ZMYM1: variants seen among roughly 807,000 people sequenced by gnomAD.
ZMYM1 encodes the protein zinc finger MYM-type protein 1.
ZMYM1 carries 39 observed loss-of-function variants against 60.0 expected under a neutral mutation model. That is an observed-to-expected ratio of 0.65 (90% CI 0.50 to 0.85). The LOEUF (loss-of-function observed/expected upper bound fraction) is 0.85. ZMYM1 is among the 40% of genes least tolerant of loss of function. The probability of loss-of-function intolerance (pLI) is 0.00; values close to 1 mark genes in which losing one functional copy is unlikely to be tolerated. For missense variants in ZMYM1, 1,171 were observed against 1,309.5 expected, an observed-to-expected ratio of 0.89 and a Z score of 1.63; for synonymous variants, 413 against 454.0, an observed-to-expected ratio of 0.91 and a Z score of 1.15.
chr1:35,118,142 A>G (rs1638526429), downstream of ZMYM1, among the ~76,000 whole-genome samples: 2 of 150,628 alleles, frequency 1.3e-5, no homozygotes, highest in East Asian at 2.0e-4. Context: ...TCAGGAGGCT[A>G]AGGCAGGAGA....
chr1:35,063,017 C>G (rs1641902615), intron 1 of ZMYM1, among the ~76,000 whole-genome samples: 1 of 152,156 alleles, frequency 6.6e-6, no homozygotes, highest in African/African-American at 2.4e-5. Flanking sequence ...TTCTTGGCAG[C>G]TCTCCTCCAG....
At chr1:35,095,754 ATGAC>A in intron 2 of ZMYM1, 61 bp from the exon 3 acceptor site, 2 of 1,314,954 alleles carry the variant, frequency 1.5e-6, no homozygotes, top group Non-Finnish European at 2.1e-6. Context: ...TTTCTGTTGA[ATGAC>A]TGGTTGTCTT....
chr1:35,107,400 C>T (rs1435394110), intron 6 of ZMYM1, among the ~76,000 whole-genome samples: 13 of 149,440 alleles, frequency 8.7e-5, no homozygotes, highest in Non-Finnish European at 1.5e-4. Context: ...ACCCGGGAGG[C>T]GGAGCTTGCA....
At chr1:35,108,446 G>C (rs1643968405) in intron 6 of ZMYM1, among the ~76,000 whole-genome samples, 1 of 152,036 alleles carries the variant, frequency 6.6e-6, no homozygotes. Flanking sequence ...CCGCCTCCCA[G>C]GTTCAAGCAA....
exon 1 of ZMYM1, chr1:35,059,874 A>C (rs1307547100): frequency 6.6e-6 from 1 of 152,042 alleles, no homozygotes; most frequent in Non-Finnish European, 1.5e-5. Flanking sequence ...ACAGTGAACA[A>C]CTTGGCTGTC....
At position 35,113,863 on chromosome 1, in the gene ZMYM1, G is replaced by A; in HGVS notation, c.2033G>A (p.Arg678Lys). ...TCAAAGGCTATCTTAATTAAGGAAA[G>A]ATTCTTGGGTTTTGTTGATACTGAG... The part of the protein sequence containing the change: ...KSSKAILIKE[R>K]FLGFVDTEEM... Residue 678 changes from arginine to lysine, a missense_variant, in exon 10 of 10, where the codon AGA (arginine) becomes AAA (lysine). Coordinates refer to ENST00000359858, the MANE Select transcript of ZMYM1 (RefSeq NM_024772.5). The A allele has an allele frequency of 6.2e-7, 1 of 1,613,772 alleles. No homozygotes were observed. The highest frequency in any genetic ancestry group is 8.5e-7 in the Non-Finnish European group (1 of 1,179,858).
In ZMYM1 at chr1:35,088,448, ATATATATGTGTGTG is replaced by A. The variant is rs1333162383; in HGVS notation, c.-74-5464_-74-5451del. Among the ~76,000 whole-genome samples the A allele has an allele frequency of 2.2e-3, 247 of 113,674 alleles. 5 individuals carry two copies. The highest frequency in any genetic ancestry group is 7.8e-3 in the African/African-American group (196 of 25,232). The allele number at this position is 113,674 out of a possible 152,430, so 74.6% of individuals were successfully genotyped here. A position where few individuals can be genotyped will look rare whatever the true frequency, so the allele number is the denominator to read the frequency against. On this transcript the variant is annotated intron_variant, in intron 1 of 9. Transcript: ENST00000359858. ...TGTGTTTATGTGTATATATATATAT[ATATATATGTGTGTG>A]TGTGTGTGTGTGTGTGTGTGTGTGT...
At chr1:35,068,935 C>A (rs1376171709) in intron 1 of ZMYM1, among the ~76,000 whole-genome samples, 1 of 152,046 alleles carries the variant, frequency 6.6e-6, no homozygotes, top group African/African-American at 2.4e-5. Context: ...CTCCTAGGTT[C>A]CAGCGATTCT....
Position 35,097,485 on chromosome 1 carries a change from G to T in ZMYM1, c.338G>T (p.Cys113Phe). The T allele has an allele frequency of 6.2e-7, 1 of 1,614,156 alleles. No individual in the cohort carries two copies. The highest frequency in any genetic ancestry group is 8.5e-7 in the Non-Finnish European group (1 of 1,180,022). The part of the protein sequence containing the change: ...YQRKGSAQLF[C>F]SIPCITEYIS... The stretch of plus-strand genomic sequence containing the variant: ...AGGAAAGGATCTGCTCAACTTTTCT[G>T]CTCCATACCATGCATCACTGAATAC... Residue 113 changes from cysteine (C) to phenylalanine (F), a missense_variant, in exon 4 of 10, where the codon TGC becomes TTC. Coordinates refer to ENST00000359858, the MANE Select transcript of ZMYM1 (RefSeq NM_024772.5).
At position 35,113,637 on chromosome 1, in the gene ZMYM1, C is replaced by G. The variant is rs757314235; in HGVS notation, c.1807C>G (p.Arg603Gly). 6.2e-7 allele frequency: 1 copy of G among 1,612,518 alleles called. No individual in the cohort carries two copies. The highest frequency in any genetic ancestry group is 8.5e-7 in the Non-Finnish European group (1 of 1,179,566). ...RAKDKGEETFRLMNSQVDFYN... is the reference protein window; with the variant it reads ...RAKDKGEETFGLMNSQVDFYN... ...AAAAGATAAAGGAGAAGAAACATTT[C>G]GACTTATGAATTCACAAGTTGACTT... is the stretch of plus-strand genomic sequence containing the variant. The change falls in exon 10 of 10, where the codon CGA becomes GGA. Residue 603 changes from arginine to glycine, a missense_variant. Coordinates refer to ENST00000359858, the MANE Select transcript of ZMYM1 (RefSeq NM_024772.5).
chr1:35,073,181 G>C (rs191361210), intron 1 of ZMYM1, among the ~76,000 whole-genome samples: 36 of 147,278 alleles, frequency 2.4e-4, no homozygotes, highest in Non-Finnish European at 3.0e-5. Context: ...AATTGCTGGA[G>C]CCTAGGAGGT....
intron 1 of ZMYM1, among the ~76,000 whole-genome samples, chr1:35,081,470 C>T (rs1163051427): frequency 6.6e-6 from 1 of 151,956 alleles, no homozygotes; most frequent in Non-Finnish European, 1.5e-5. Context: ...AAAACCCCTG[C>T]TGGGATTTTC....
At chr1:35,084,907 G>A (rs535545788) in intron 1 of ZMYM1, among the ~76,000 whole-genome samples, 23 of 151,842 alleles carry the variant, frequency 1.5e-4, no homozygotes, top group African/African-American at 5.6e-4. Context: ...GCTGTTTTCT[G>A]CTTGGGTTTC....
chr1:35,104,973 C>A (rs907218839), intron 6 of ZMYM1, among the ~76,000 whole-genome samples: 1 of 152,032 alleles, frequency 6.6e-6, no homozygotes, highest in Non-Finnish European at 1.5e-5. Flanking sequence ...AATCTCAGAT[C>A]GATTATCTCA....
At chr1:35,086,719 C>A (rs2148497933) in intron 1 of ZMYM1, among the ~76,000 whole-genome samples, 1 of 151,630 alleles carries the variant, frequency 6.6e-6, no homozygotes, top group African/African-American at 2.4e-5. Context: ...TTCGCACTGT[C>A]ACCCAGGCTT....
intron 1 of ZMYM1, among the ~76,000 whole-genome samples, chr1:35,070,892 T>G (rs936421955): frequency 1.3e-5 from 2 of 152,046 alleles, no homozygotes; most frequent in Admixed American, 6.6e-5. Context: ...TTTTGGTTTT[T>G]GGGTTTTTTT....
rs1641962622 is a variant in ZMYM1, at chr1:35,065,731, T to C, written c.-301+5806T>C. Among the ~76,000 whole-genome samples, 3 of 149,670 alleles carry C rather than the reference T, an allele frequency of 2.0e-5. No individual in the cohort carries two copies. The South Asian group carries it at 6.3e-4, about 32-fold the overall frequency. On this transcript the variant is annotated intron_variant, in intron 1 of 10. Transcript: ENST00000417119. Reference sequence around the variant, plus strand: ...AGAGCAGAAATCAATGAAATTAAAATAGGGAAAACTGATAAAACCAAAACT... The same window carrying C: ...AGAGCAGAAATCAATGAAATTAAAACAGGGAAAACTGATAAAACCAAAACT...
At chr1:35,071,050 AT>A (rs1642058906) in intron 1 of ZMYM1, among the ~76,000 whole-genome samples, 1 of 151,670 alleles carries the variant, frequency 6.6e-6, no homozygotes, top group African/African-American at 2.4e-5. Context: ...ACACCCAGCA[AT>A]TTTTTTAATA....
At chr1:35,104,872 G>T in intron 6 of ZMYM1, 103 bp downstream of exon 6, 1 of 863,248 alleles carries the variant, frequency 1.2e-6, no homozygotes, top group South Asian at 1.8e-5. Context: ...GAATAATGTC[G>T]ATAAGTTGAT....
Sources: gnomAD v4.1 joint callset for allele counts (sites outside exome capture counted in the v4.1 genomes callset) on GRCh38, gnomAD v4.1.1 for gene constraint, MANE v1.5 for transcripts, NCBI Gene and HGNC (gene_info 2026-07-23, HGNC 2026-07-21) for gene names.